SH3GL3: variants seen among roughly 807,000 people sequenced by gnomAD.
SH3GL3 encodes the protein endophilin-A3.
A neutral mutation model predicts 47.7 loss-of-function variants in SH3GL3; 33 were observed. The ratio of observed to expected loss-of-function variants is 0.69; its 90% confidence interval spans 0.52 to 0.92. The LOEUF is 0.92. Among genes scored for constraint, SH3GL3 ranks in the 40% least tolerant of loss-of-function variants. The pLI is 0.00. For missense variants in SH3GL3, 363 were observed against 417.8 expected (o/e 0.87, Z 1.14); for synonymous variants, 155 against 148.8 (o/e 1.04, Z -0.30).
chr15:83,599,372 C>A (rs1230080710), intron 8 of SH3GL3, among the ~76,000 whole-genome samples: 1 of 152,184 alleles, frequency 6.6e-6, no homozygotes, highest in Non-Finnish European at 1.5e-5. Context: ...CTCAAGTCCC[C>A]AAAGTCCATT....
chr15:83,607,840 A>AAATT (rs2060560679), intron 8 of SH3GL3, among the ~76,000 whole-genome samples: 2 of 142,942 alleles, frequency 1.4e-5, no homozygotes, highest in Admixed American at 1.4e-4. Flanking sequence ...TCAGAGTGGC[A>AAATT]AATAATAATA....
At chr15:83,606,947 TATG>T (rs2151837986) in intron 8 of SH3GL3, among the ~76,000 whole-genome samples, 2 of 152,342 alleles carry the variant, frequency 1.3e-5, no homozygotes, top group South Asian at 2.1e-4. Context: ...AAGTGTGAAA[TATG>T]ATTATTATTG....
chr15:83,583,151 A>G (rs2151796645), intron 6 of SH3GL3, among the ~76,000 whole-genome samples: 1 of 152,326 alleles, frequency 6.6e-6, no homozygotes, highest in South Asian at 2.1e-4. Flanking sequence ...TCTTTTGAAG[A>G]TGTACACTTC....
intron 1 of SH3GL3, among the ~76,000 whole-genome samples, chr15:83,500,132 C>T (rs1179886444): frequency 6.6e-6 from 1 of 152,098 alleles, no homozygotes; most frequent in Non-Finnish European, 1.5e-5. Flanking sequence ...TGAGTCCAGG[C>T]CCTAATCTCC....
At chr15:83,630,591 T>C in the SH3GL3 span, among the ~76,000 whole-genome samples, 6 of 152,018 alleles carry the variant, frequency 3.9e-5, no homozygotes, top group Non-Finnish European at 7.4e-5. Context: ...CTTCTTCACA[T>C]GGCTGCAGGA....
intron 1 of SH3GL3, among the ~76,000 whole-genome samples, chr15:83,499,828 CACA>C (rs1211096308): frequency 1.3e-5 from 2 of 152,264 alleles, no homozygotes; most frequent in Non-Finnish European, 2.9e-5. Context: ...CAAACAAATA[CACA>C]ACAATTACAC....
At chr15:83,492,279 C>CAAAA (rs11300008) in intron 1 of SH3GL3, among the ~76,000 whole-genome samples, 12 of 51,448 alleles carry the variant, frequency 2.3e-4, no homozygotes, top group Admixed American at 2.9e-4. Flanking sequence ...GACTCCCTCT[C>CAAAA]AAAAAAAAAA....
chr15:83,580,303 G>A (rs2059797507), intron 6 of SH3GL3, among the ~76,000 whole-genome samples: 1 of 152,180 alleles, frequency 6.6e-6, no homozygotes, highest in Admixed American at 6.5e-5. Context: ...TGTTCTAATC[G>A]CCATGTCAAA....
At position 83,565,162 on chromosome 15, in the gene SH3GL3, C is replaced by A. The variant is rs1198536146; in HGVS notation, c.143C>A (p.Ala48Glu). Residue 48 changes from alanine to glutamate, a missense_variant, in exon 3 of 9, where the codon GCA (alanine) becomes GAA (glutamate). Physicochemically the swap from Ala to Glu is moderately radical, Grantham distance 107. Transcript: ENST00000427482. ...ATAGATGTTACCAATAAAGTTGTTGCAGAAATTCTTTCAAAAACCACTGAA... is the reference window on the plus strand; with the variant it reads ...ATAGATGTTACCAATAAAGTTGTTGAAGAAATTCTTTCAAAAACCACTGAA... Reference protein sequence around the residue: ...RKIDVTNKVVAEILSKTTEYL... With the variant: ...RKIDVTNKVVEEILSKTTEYL... 4.4e-6 allele frequency: 7 copies of A among 1,575,306 alleles called. No individual in the cohort carries two copies. The South Asian group carries it at 8.0e-5, about 18-fold the overall frequency.
chr15:83,557,451 T>C (rs1252424349), intron 1 of SH3GL3, among the ~76,000 whole-genome samples: 1 of 152,252 alleles, frequency 6.6e-6, no homozygotes, highest in Non-Finnish European at 1.5e-5. Context: ...TAAGGATTCT[T>C]GTTCAGTGTA....
intron 1 of SH3GL3, among the ~76,000 whole-genome samples, chr15:83,458,248 A>T (rs2040094766): frequency 6.6e-6 from 1 of 152,188 alleles, no homozygotes; most frequent in African/African-American, 2.4e-5. Flanking sequence ...ACTATTGATG[A>T]GATCAGGGAG....
rs2039568045 is a variant in SH3GL3 at position 83,448,531 on chromosome 15, G to T, written c.45+953G>T. On this transcript the variant is annotated intron_variant, in intron 1 of 8. Transcript: ENST00000427482. This position sits in a 1 kb window ranked among gnomAD's most constrained non-coding sequence, Gnocchi z 4.2. ...AACATCAACATTGCAGGCTCTTCCAGCTATGGCAGAGCTCACGTTGTAAAA... is the reference window on the plus strand; with the variant it reads ...AACATCAACATTGCAGGCTCTTCCATCTATGGCAGAGCTCACGTTGTAAAA... Among the ~76,000 whole-genome samples the T allele has an allele frequency of 6.6e-6, 1 of 150,858 alleles. No individual in the cohort carries two copies. Among genetic ancestry groups the T allele is most frequent in the Non-Finnish European group, 1.5e-5 (1 of 67,892 alleles).
chr15:83,482,236 A>G (rs1431458991), intron 1 of SH3GL3, among the ~76,000 whole-genome samples: 1 of 152,122 alleles, frequency 6.6e-6, no homozygotes, highest in Non-Finnish European at 1.5e-5. Flanking sequence ...ATATTAATCC[A>G]TCATCATATA....
chr15:83,500,926 G>GC (rs1174173678), intron 1 of SH3GL3, among the ~76,000 whole-genome samples: 3 of 152,192 alleles, frequency 2.0e-5, no homozygotes, highest in Non-Finnish European at 4.4e-5. Context: ...CTCGGGCTCT[G>GC]CTTTCTAGAA....
chr15:83,490,697 C>G, intron 1 of SH3GL3: 1 of 1,414,184 alleles, frequency 7.1e-7, no homozygotes. Context: ...GAAAACAGAC[C>G]AAGCTCTCAC....
intron 1 of SH3GL3, among the ~76,000 whole-genome samples, chr15:83,509,624 A>G (rs1348790945): frequency 6.6e-6 from 1 of 152,208 alleles, no homozygotes; most frequent in African/African-American, 2.4e-5. Flanking sequence ...TTCCTGATAC[A>G]AGAACTGTAT....
intron 8 of SH3GL3, among the ~76,000 whole-genome samples, chr15:83,593,636 T>C (rs567239948): frequency 5.3e-5 from 8 of 152,340 alleles, no homozygotes; most frequent in African/African-American, 1.9e-4. Context: ...TCACGTCATC[T>C]ATAAATGAAG....
At chr15:83,569,030 G>A (rs1308634687) in intron 4 of SH3GL3, among the ~76,000 whole-genome samples, 1 of 151,578 alleles carries the variant, frequency 6.6e-6, no homozygotes, top group Non-Finnish European at 1.5e-5. Context: ...CCGAGTAGCT[G>A]GATTACAGGC....
intron 1 of SH3GL3, among the ~76,000 whole-genome samples, chr15:83,512,786 C>T (rs2042822194): frequency 6.6e-6 from 1 of 152,110 alleles, no homozygotes; most frequent in Non-Finnish European, 1.5e-5. Context: ...TGCCACCTCC[C>T]TCCCTCCCTC....
Sources: gnomAD v4.1 joint callset for allele counts (sites outside exome capture counted in the v4.1 genomes callset) on GRCh38, gnomAD v4.1.1 for gene constraint, Gnocchi (gnomAD v3.1) non-coding constraint, MANE v1.5 for transcripts, NCBI Gene and HGNC (gene_info 2026-07-23, HGNC 2026-07-21) for gene names.